The following ABCG2 variants were observed in gnomAD, a reference collection of about 807,000 sequenced individuals.
ABCG2 encodes the protein ATP binding cassette subfamily G member 2 (JR blood group).
Under a neutral mutation model 73.5 loss-of-function variants are expected in ABCG2, and 80 were observed. The observed-to-expected ratio is 1.09, with a 90% CI of 0.91 to 1.31. ABCG2 has a LOEUF of 1.31. Ranked by LOEUF, ABCG2 falls within the 50% of genes most tolerant of loss-of-function variation. The probability of loss-of-function intolerance (pLI) is 0.00; values close to 1 mark genes in which losing one functional copy is unlikely to be tolerated. For synonymous variants in ABCG2, 269 were observed against 282.4 expected (o/e 0.95, Z 0.48); for missense variants, 796 against 786.2 (o/e 1.01, Z -0.15).
At chr4:88,149,720 G>C (rs1262346439) in intron 1 of ABCG2, among the ~76,000 whole-genome samples, 1 of 152,082 alleles carries the variant, frequency 6.6e-6, no homozygotes, top group Admixed American at 6.5e-5. Flanking sequence ...GCATGGTAGC[G>C]CATGCCTGTA....
chr4:88,203,696 G>A (rs78035729), intron 1 of ABCG2, among the ~76,000 whole-genome samples: 28 of 150,306 alleles, frequency 1.9e-4, no homozygotes, highest in Non-Finnish European at 3.4e-4. Context: ...AGAGGTTGCA[G>A]TGAGCTGAGA....
chr4:88,172,912 T>C (rs2622629), intron 1 of ABCG2, among the ~76,000 whole-genome samples: 44,117 of 152,064 alleles, frequency 0.29, 8,046 homozygotes, highest in East Asian at 0.52. Flanking sequence ...GTGAACTTTT[T>C]AGGTCATAAA....
Position 88,097,574 on chromosome 4 carries a change from A to G in ABCG2, c.1526T>C (p.Met509Thr), listed in dbSNP as rs1352785278. The G allele has an allele frequency of 3.1e-6, 5 of 1,614,178 alleles. No individual in the cohort carries two copies. Among genetic ancestry groups the G allele is most frequent in the African/African-American group, 1.3e-5 (1 of 75,072 alleles). The change falls in exon 13 of 16, where the codon ATG becomes ACG. Residue 509 changes from methionine (M) to threonine (T), a missense_variant. By Grantham distance (81) the Met-to-Thr change is moderately conservative. Coordinates refer to ENST00000237612, the MANE Select transcript of ABCG2 (RefSeq NM_004827.3). ...LKPKADAFFVMMFTLMMVAYS... is the reference protein window; with the variant it reads ...LKPKADAFFVTMFTLMMVAYS... ...AGCCACCATCATAAGGGTAAACATC[A>G]TAACGAAGAAGGCATCTGCCTTTGG... is the stretch of plus-strand genomic sequence containing the variant.
rs1217744147 is a variant in ABCG2, at chr4:88,092,281, GGAAAA to G, written c.1916_1920del (p.Ile639ThrfsTer12). 1 of 1,612,386 alleles carries G rather than the reference GGAAAA, an allele frequency of 6.2e-7. No homozygotes were observed. The highest frequency in any genetic ancestry group is 8.5e-7 in the Non-Finnish European group (1 of 1,179,034). On this transcript the variant is annotated frameshift_variant, in exon 16 of 16. Coordinates refer to ENST00000237612, the MANE Select transcript of ABCG2 (RefSeq NM_004827.3). LOFTEE classifies it high-confidence loss of function. ...AACAATTTCAGGTAGGCAATTGTGAGGAAAATAACAATCATACAAGCCAAGGCCAC... is the reference window on the plus strand; with the variant it reads ...AACAATTTCAGGTAGGCAATTGTGAGTAACAATCATACAAGCCAAGGCCAC...
chr4:88,106,902 C>T (rs1239366547), intron 10 of ABCG2, among the ~76,000 whole-genome samples: 1 of 152,008 alleles, frequency 6.6e-6, no homozygotes, highest in Non-Finnish European at 1.5e-5. Flanking sequence ...ATTAGCTGGG[C>T]GTGGTGGTGG....
chr4:88,200,664 CA>C (rs1388983842), intron 1 of ABCG2, among the ~76,000 whole-genome samples: 1 of 152,094 alleles, frequency 6.6e-6, no homozygotes, highest in African/African-American at 2.4e-5. Context: ...AGGTGCCTGT[CA>C]CCACGCCTGG....
intron 1 of ABCG2, among the ~76,000 whole-genome samples, chr4:88,179,486 A>G (rs770405932): frequency 5.9e-5 from 9 of 152,214 alleles, no homozygotes; most frequent in African/African-American, 1.4e-4. Flanking sequence ...CTTATCTTCA[A>G]TGCTCAGATG....
upstream of ABCG2, among the ~76,000 whole-genome samples, chr4:88,163,296 T>G (rs1039042892): frequency 1.2e-4 from 18 of 152,166 alleles, no homozygotes; most frequent in Admixed American, 1.2e-3. Flanking sequence ...GGAAACAGTT[T>G]AAAACTCTTC....
intron 7 of ABCG2, among the ~76,000 whole-genome samples, chr4:88,117,782 G>A (rs938811895): frequency 2.0e-5 from 3 of 152,214 alleles, no homozygotes; most frequent in Non-Finnish European, 4.4e-5. Flanking sequence ...AAATGTTCAA[G>A]TGACAGAATA....
intron 1 of ABCG2, among the ~76,000 whole-genome samples, chr4:88,200,328 A>C (rs1729108408): frequency 6.6e-6 from 1 of 152,110 alleles, no homozygotes; most frequent in Admixed American, 6.5e-5. Flanking sequence ...ACTCTGTCTC[A>C]AAAAACAAAC....
intron 9 of ABCG2, among the ~76,000 whole-genome samples, chr4:88,111,584 T>C (rs940990203): frequency 1.4e-4 from 21 of 152,240 alleles, no homozygotes; most frequent in African/African-American, 4.1e-4. Flanking sequence ...TAGATATATT[T>C]TATATATACT....
intron 1 of ABCG2, among the ~76,000 whole-genome samples, chr4:88,182,319 C>A (rs1443337405): frequency 1.3e-5 from 2 of 152,098 alleles, no homozygotes; most frequent in East Asian, 3.8e-4. Context: ...CTTCAACACC[C>A]CACTCTCAGC....
Position 88,118,107 on chromosome 4 carries a change from A to G in ABCG2, c.841+2T>C. 1.2e-6 allele frequency: 2 copies of G among 1,612,234 alleles called. No individual in the cohort carries two copies. The highest frequency in any genetic ancestry group is 1.7e-6 in the Non-Finnish European group (2 of 1,179,452). On this transcript the variant is annotated splice_donor_variant, in intron 7 of 15. Coordinates refer to ENST00000237612, the MANE Select transcript of ABCG2 (RefSeq NM_004827.3). LOFTEE classifies it high-confidence loss of function. ...TTTACAGCATAAAAAAGTCAACCATACCAGCTGATTCAAAGTATCCCAAGG... is the reference window on the plus strand; with the variant it reads ...TTTACAGCATAAAAAAGTCAACCATGCCAGCTGATTCAAAGTATCCCAAGG...
At chr4:88,141,011 G>T (rs1374540681) in intron 1 of ABCG2, among the ~76,000 whole-genome samples, 1 of 152,110 alleles carries the variant, frequency 6.6e-6, no homozygotes, top group East Asian at 1.9e-4. Flanking sequence ...ATTTATTTGA[G>T]TAAGACCTTA....
At chr4:88,213,239 A>G (rs1193843011) in intron 1 of ABCG2, among the ~76,000 whole-genome samples, 4 of 152,146 alleles carry the variant, frequency 2.6e-5, no homozygotes, top group African/African-American at 9.7e-5. Context: ...AAGAATCTCA[A>G]TGCCGGGACC....
intron 6 of ABCG2, among the ~76,000 whole-genome samples, chr4:88,121,148 G>T (rs951649696): frequency 6.6e-5 from 10 of 152,128 alleles, no homozygotes; most frequent in African/African-American, 2.4e-4. Context: ...AATAGAAGAT[G>T]CTAAGGATTC....
At chr4:88,202,943 T>A (rs1729239570) in intron 1 of ABCG2, among the ~76,000 whole-genome samples, 1 of 152,162 alleles carries the variant, frequency 6.6e-6, no homozygotes, top group African/African-American at 2.4e-5. Flanking sequence ...AGCACAGAAC[T>A]TTCTGTACTT....
In ABCG2 at chr4:88,182,093, A is replaced by G. The variant is rs547117924; in HGVS notation, c.-19-42079T>C. Among the ~76,000 whole-genome samples, 11 of 152,316 alleles carry G rather than the reference A, an allele frequency of 7.2e-5. No individual in the cohort carries two copies. In the East Asian group the frequency reaches 2.1e-3, roughly 29 times the overall value. ...ATAAAGAAATGGAAAAAGACACTCC[A>G]TACCAATAGAAACCTAAAAAGAGAA... is the stretch of plus-strand genomic sequence containing the variant. On this transcript the variant is annotated intron_variant, in intron 1 of 15. Transcript: ENST00000515655.
In ABCG2 at chr4:88,131,949, T is replaced by C. The variant is rs1387517529; in HGVS notation, c.264-32A>G. On this transcript the variant is annotated intron_variant, in intron 3 of 15. Coordinates refer to ENST00000237612, the MANE Select transcript of ABCG2 (RefSeq NM_004827.3). ...GAGGACATATATGTTGTGGGTCTAATAACCTATAAGAGAATATATATGTTG... is the reference window on the plus strand; with the variant it reads ...GAGGACATATATGTTGTGGGTCTAACAACCTATAAGAGAATATATATGTTG... 7 of 1,516,280 alleles carry C rather than the reference T, an allele frequency of 4.6e-6. No individual in the cohort carries two copies. The East Asian group carries it at 1.4e-4, about 29-fold the overall frequency. The allele number at this position is 1,516,280 out of a possible 1,614,324, so 93.9% of individuals were successfully genotyped here.
Sources: gnomAD v4.1 joint callset for allele counts (sites outside exome capture counted in the v4.1 genomes callset) on GRCh38, gnomAD v4.1.1 for gene constraint, MANE v1.5 for transcripts, NCBI Gene and HGNC (gene_info 2026-07-23, HGNC 2026-07-21) for gene names.